CCL28: variants seen among roughly 807,000 people sequenced by gnomAD.
The protein encoded by CCL28 is C-C motif chemokine ligand 28.
Under a neutral mutation model 7.1 loss-of-function variants are expected in CCL28, and 4 were observed. The observed-to-expected ratio is 0.56, with a 90% CI of 0.28 to 1.29. The LOEUF (loss-of-function observed/expected upper bound fraction) is 1.29, where lower values mean the gene tolerates loss of function less well. Among genes scored for constraint, CCL28 ranks in the 50% most tolerant of loss-of-function variants. The pLI is 0.11. For missense variants in CCL28, 151 were observed against 163.4 expected (o/e 0.92, Z 0.41); for synonymous variants, 55 against 57.8 (o/e 0.95, Z 0.22).
intron 1 of CCL28, among the ~76,000 whole-genome samples, chr5:43,407,729 T>G (rs1006113663): frequency 2.1e-4 from 32 of 152,120 alleles, no homozygotes; most frequent in African/African-American, 7.2e-4. Flanking sequence ...GGAGAAAAAT[T>G]TTTACAATCT....
At chr5:43,369,126 A>C in the CCL28 span, among the ~76,000 whole-genome samples, 2 of 151,906 alleles carry the variant, frequency 1.3e-5, no homozygotes, top group Non-Finnish European at 2.9e-5. Flanking sequence ...ATTCATTAAA[A>C]AACTGACATC....
At chr5:43,367,657 A>C in the CCL28 span, among the ~76,000 whole-genome samples, 1 of 152,064 alleles carries the variant, frequency 6.6e-6, no homozygotes, top group Non-Finnish European at 1.5e-5. Flanking sequence ...TGGGAGATGC[A>C]GGCCCCACCC....
intron 1 of CCL28, 91 bp from the exon 2 acceptor site, chr5:43,388,567 T>C: frequency 3.8e-6 from 5 of 1,305,664 alleles, no homozygotes; most frequent in Admixed American, 2.2e-5. Context: ...GAAACAATGT[T>C]AATCCACACA....
intron 2 of CCL28, among the ~76,000 whole-genome samples, chr5:43,387,381 C>G (rs1740383005): frequency 6.6e-6 from 1 of 152,168 alleles, no homozygotes; most frequent in Non-Finnish European, 1.5e-5. Context: ...TCCAGATTTA[C>G]TAAATACCAA....
At position 43,381,913 on chromosome 5, in the gene CCL28, T is replaced by C; in HGVS notation, c.331A>G (p.Asn111Asp). Reference protein sequence around the residue: ...RKKHHGKRNSNRAHQGKHETY... With the variant: ...RKKHHGKRNSDRAHQGKHETY... Reference sequence around the variant, plus strand: ...TCGTGTTTCCCCTGATGTGCCCTGTTACTGTTCCTCTTGCCATGGTGTTTC... The same window carrying C: ...TCGTGTTTCCCCTGATGTGCCCTGTCACTGTTCCTCTTGCCATGGTGTTTC... The change falls in exon 3 of 3, where the codon AAC (asparagine) becomes GAC (aspartate). Residue 111 changes from asparagine (N) to aspartate (D), a missense_variant. Transcript: ENST00000361115. 6.2e-7 allele frequency: 1 copy of C among 1,614,210 alleles called. No individual in the cohort carries two copies. Among genetic ancestry groups the C allele is most frequent in the South Asian group, 1.1e-5 (1 of 91,082 alleles).
At chr5:43,389,414 T>TC (rs11418396) in intron 1 of CCL28, among the ~76,000 whole-genome samples, 16,179 of 152,178 alleles carry the variant, frequency 0.11, 1,776 homozygotes, top group African/African-American at 0.28. Flanking sequence ...ATTGGATTTA[T>TC]CACGTATCCA....
Position 43,402,739 on chromosome 5 carries a change from G to A in CCL28, c.64+9514C>T, listed in dbSNP as rs930222835. ...TTGTCTCACCCAGGAAGTGCAAGGGGTCGGGGAATTCCCTTTCCTAGCCAA... is the reference window on the plus strand; with the variant it reads ...TTGTCTCACCCAGGAAGTGCAAGGGATCGGGGAATTCCCTTTCCTAGCCAA... On this transcript the variant is annotated intron_variant, in intron 1 of 2. Transcript: ENST00000361115. Among the ~76,000 whole-genome samples, 41 of 152,336 alleles carry A rather than the reference G, an allele frequency of 2.7e-4. 1 individual carries two copies. Among genetic ancestry groups the A allele is most frequent in the Admixed American group, 2.4e-3 (37 of 15,300 alleles).
intron 1 of CCL28, among the ~76,000 whole-genome samples, chr5:43,389,793 CAT>C (rs1161813713): frequency 6.6e-6 from 1 of 152,132 alleles, no homozygotes; most frequent in African/African-American, 2.4e-5. Context: ...GCATTTATTA[CAT>C]GTTAGTAGGT....
chr5:43,364,813 C>A, the CCL28 span, among the ~76,000 whole-genome samples: 1 of 151,914 alleles, frequency 6.6e-6, no homozygotes, highest in African/African-American at 2.4e-5. Flanking sequence ...TTATGTAATG[C>A]CTTTCTTTGT....
downstream of CCL28, among the ~76,000 whole-genome samples, chr5:43,378,000 G>T (rs980922655): frequency 7.6e-6 from 1 of 131,912 alleles, no homozygotes; most frequent in African/African-American, 3.9e-5. Flanking sequence ...CCAAAGTGCT[G>T]GGATTACAGG....
At chr5:43,411,565 G>A (rs556669400) in intron 1 of CCL28, among the ~76,000 whole-genome samples, 2 of 151,014 alleles carry the variant, frequency 1.3e-5, no homozygotes, top group South Asian at 4.2e-4. Flanking sequence ...AACAGATGGG[G>A]TTTTACTATG....
the CCL28 span, among the ~76,000 whole-genome samples, chr5:43,370,383 C>T: frequency 6.6e-6 from 1 of 151,892 alleles, no homozygotes; most frequent in African/African-American, 2.4e-5. Context: ...TATCAATGCA[C>T]AGACAATCTG....
chr5:43,358,645 C>T, the CCL28 span, among the ~76,000 whole-genome samples: 3 of 152,172 alleles, frequency 2.0e-5, no homozygotes, highest in Non-Finnish European at 4.4e-5. Flanking sequence ...GGAATTAGGT[C>T]TTCACCAAAA....
At chr5:43,376,808 A>T (rs961540540), downstream of CCL28, 4 of 152,192 alleles carry the variant, frequency 2.6e-5, no homozygotes, top group African/African-American at 9.7e-5. Flanking sequence ...TAGGATATGG[A>T]AATTGCATTC....
chr5:43,357,836 C>T, the CCL28 span, among the ~76,000 whole-genome samples: 1 of 152,150 alleles, frequency 6.6e-6, no homozygotes, highest in Non-Finnish European at 1.5e-5. Context: ...TTTTAATGCT[C>T]AATTAAGATA....
At chr5:43,407,138 C>G (rs1179669594) in intron 1 of CCL28, among the ~76,000 whole-genome samples, 2 of 152,302 alleles carry the variant, frequency 1.3e-5, no homozygotes, top group African/African-American at 4.8e-5. Context: ...TTGGAAAAAT[C>G]TACTTTAAAC....
Position 43,381,110 on chromosome 5 carries a change from T to G in CCL28, c.*750A>C, listed in dbSNP as rs1188382244. Reference sequence around the variant, plus strand: ...AGAAACTAGGGGTGAAGTGTCATGATTTTTGCAACTTATTTTCAAATGGTT... The same window carrying G: ...AGAAACTAGGGGTGAAGTGTCATGAGTTTTGCAACTTATTTTCAAATGGTT... On this transcript the variant is annotated 3_prime_UTR_variant, in exon 3 of 3. Coordinates refer to ENST00000361115, the MANE Select transcript of CCL28 (RefSeq NM_148672.3). The G allele has an allele frequency of 6.6e-6, 1 of 152,078 alleles. No individual in the cohort carries two copies. The highest frequency in any genetic ancestry group is 6.6e-5 in the Admixed American group (1 of 15,266). 9.4% of individuals were successfully genotyped at this position (152,078 alleles called of 1,614,324 possible).
chr5:43,388,201 G>A, intron 2 of CCL28, 149 bp downstream of exon 2: 1 of 921,240 alleles, frequency 1.1e-6, no homozygotes, highest in African/African-American at 1.7e-5. Context: ...GGAGCCTGGG[G>A]CCTAATGGAC....
the CCL28 span, among the ~76,000 whole-genome samples, chr5:43,371,378 T>C: frequency 2.0e-5 from 3 of 152,238 alleles, no homozygotes; most frequent in African/African-American, 7.2e-5. Context: ...TTCATGCCAT[T>C]GTGTAGTCCC....
Sources: allele counts gnomAD v4.1 joint callset (sites outside exome capture counted in the v4.1 genomes callset), GRCh38; gene constraint gnomAD v4.1.1; transcripts MANE v1.5; gene names NCBI Gene and HGNC (gene_info 2026-07-23, HGNC 2026-07-21).